DYNC2H1: variants seen among roughly 807,000 people sequenced by gnomAD.
DYNC2H1 encodes cytoplasmic dynein 2 heavy chain 1.
Under a neutral mutation model 570.0 loss-of-function variants are expected in DYNC2H1, and 410 were observed. The observed-to-expected ratio is 0.72, with a 90% CI of 0.66 to 0.78. The LOEUF is 0.78. Ranked by LOEUF, DYNC2H1 falls within the 30% of genes least tolerant of loss-of-function variation. DYNC2H1 has a pLI of 0.00. For missense variants in DYNC2H1, 4,865 were observed against 5,046.4 expected (o/e 0.96, Z 1.09); for synonymous variants, 1,688 against 1,677.6 (o/e 1.01, Z -0.15).
intron 84 of DYNC2H1, among the ~76,000 whole-genome samples, chr11:103,434,347 A>G (rs1216705628): frequency 1.3e-5 from 2 of 151,916 alleles, no homozygotes; most frequent in Non-Finnish European, 1.5e-5. Context: ...CTTCTTTTGC[A>G]TCAGCTGTGG....
At chr11:103,196,659 G>C (rs1211498526) in intron 47 of DYNC2H1, among the ~76,000 whole-genome samples, 1 of 152,128 alleles carries the variant, frequency 6.6e-6, no homozygotes, top group Non-Finnish European at 1.5e-5. Context: ...TTGGACCCCA[G>C]GGAGTATCAG....
intron 87 of DYNC2H1, among the ~76,000 whole-genome samples, chr11:103,456,845 A>C (rs550005250): frequency 6.6e-6 from 1 of 152,338 alleles, no homozygotes; most frequent in African/African-American, 2.4e-5. Context: ...GTGCGCAAAC[A>C]TTGTTTCATG....
chr11:103,244,010 T>C lies in DYNC2H1; in HGVS notation c.9918+219T>C, dbSNP rs1188247042. 3.9e-5 allele frequency among the ~76,000 whole-genome samples: 6 copies of C among 152,124 alleles called. No individual in the cohort carries two copies. The highest frequency in any genetic ancestry group is 8.8e-5 in the Non-Finnish European group (6 of 67,978). Reference sequence around the variant, plus strand: ...ATTGATCTAAGCCCTGGGAATTTAATAGTGAGTTCCTTCCCTTATAAAGAT... The same window carrying C: ...ATTGATCTAAGCCCTGGGAATTTAACAGTGAGTTCCTTCCCTTATAAAGAT... On this transcript the variant is annotated intron_variant, in intron 64 of 88. Coordinates refer to ENST00000375735, the MANE Select transcript of DYNC2H1 (RefSeq NM_001377.3). The surrounding 1 kb of genome is among the most constrained non-coding windows in gnomAD (Gnocchi z 4.3).
At chr11:103,134,936 A>T (rs897864583) in intron 15 of DYNC2H1, among the ~76,000 whole-genome samples, 3 of 152,152 alleles carry the variant, frequency 2.0e-5, no homozygotes, top group African/African-American at 7.2e-5. Context: ...TAGATGTCTC[A>T]CACATTTACA....
At chr11:103,312,429 C>T (rs1376385589) in intron 79 of DYNC2H1, among the ~76,000 whole-genome samples, 3 of 144,176 alleles carry the variant, frequency 2.1e-5, no homozygotes. Context: ...GTAGTTCCAG[C>T]TACTTGGGAG....
rs17394217 is a variant in DYNC2H1 at position 103,211,829 on chromosome 11, A to G, written c.8580A>G (p.Glu2860=). Residue 2860 remains glutamate (E), a synonymous_variant, in exon 54 of 89, where the codon GAA becomes GAG. Transcript: ENST00000375735. ...TAAAATCATTTTTATTAATCCATGA[A>G]TCTTGTAAAGCATATGGTGCTACAC... is the stretch of plus-strand genomic sequence containing the variant. ...DFLKSFLLIH[E]SCKAYGATPS... is the part of the protein sequence containing the mutation. 162,806 of 1,425,924 alleles carry G rather than the reference A, an allele frequency of 0.11. 10,052 individuals are homozygous for G. Among genetic ancestry groups the G allele is most frequent in the East Asian group, 0.12 (4,536 of 36,856 alleles). The allele number at this position is 1,425,924 out of a possible 1,614,324, so 88.3% of individuals were successfully genotyped here.
At chr11:103,217,597 T>C (rs947796667) in intron 55 of DYNC2H1, among the ~76,000 whole-genome samples, 3 of 152,208 alleles carry the variant, frequency 2.0e-5, no homozygotes, top group East Asian at 3.8e-4. Context: ...GTGTGGATGA[T>C]GGATCTTAGT....
Position 103,241,378 on chromosome 11 carries a change from G to A in DYNC2H1, c.9820-2315G>A. 1.6e-6 allele frequency: 1 copy of A among 637,350 alleles called. No homozygotes were observed. Among genetic ancestry groups the A allele is most frequent in the Non-Finnish European group, 2.7e-6 (1 of 367,832 alleles). 39.5% of individuals were successfully genotyped at this position (637,350 alleles called of 1,614,324 possible). A position where few individuals can be genotyped will look rare whatever the true frequency, so the allele number is the denominator to read the frequency against. On this transcript the variant is annotated intron_variant, in intron 63 of 88. Transcript: ENST00000375735. This position sits in a 1 kb window ranked among gnomAD's most constrained non-coding sequence, Gnocchi z 5.1. ...TAATCATGGAATACAGAGATAAAATGTACCATAGAAATCTTATCTAAATCT... is the reference window on the plus strand; with the variant it reads ...TAATCATGGAATACAGAGATAAAATATACCATAGAAATCTTATCTAAATCT...
rs1463291502 is a variant in DYNC2H1 at position 103,461,829 on chromosome 11, G to T, written c.12648+5473G>T. ...GAGTCTGCATATTTCAAGGTTTTAA[G>T]ATTTAGAAACATTCCACCTTTTTCT... is the stretch of plus-strand genomic sequence containing the variant. On this transcript the variant is annotated intron_variant, in intron 87 of 88. Coordinates refer to ENST00000375735, the MANE Select transcript of DYNC2H1 (RefSeq NM_001377.3). The surrounding 1 kb of genome is among the most constrained non-coding windows in gnomAD (Gnocchi z 4.8). Among the ~76,000 whole-genome samples, 1 of 151,848 alleles carries T rather than the reference G, an allele frequency of 6.6e-6. No individual in the cohort carries two copies. Among genetic ancestry groups the T allele is most frequent in the East Asian group, 1.9e-4 (1 of 5,198 alleles).
Position 103,173,304 on chromosome 11 carries a change from A to G in DYNC2H1, c.5557A>G (p.Arg1853Gly). 6.5e-7 allele frequency: 1 copy of G among 1,549,304 alleles called. No individual in the cohort carries two copies. The highest frequency in any genetic ancestry group is 1.3e-5 in the South Asian group (1 of 77,956). The change falls in exon 35 of 89, where the codon AGG (arginine) becomes GGG (glycine). Residue 1853 changes from arginine to glycine, a missense_variant and splice_region_variant. Physicochemically the swap from Arg to Gly is moderately radical, Grantham distance 125. Transcript: ENST00000375735. ...RKLVAIFNLS[R>G]ELLTPQQHYD... ...ATTGGTAGCTATTTTCAATCTATCT[A>G]GGTGAGTTTTCTTGTTCTAAATATT...
Position 103,356,155 on chromosome 11 carries a change from C to G in DYNC2H1, c.12040-2088C>G, listed in dbSNP as rs1307063149. 2.6e-5 allele frequency among the ~76,000 whole-genome samples: 4 copies of G among 151,760 alleles called. No homozygotes were observed. The South Asian group carries it at 6.2e-4, about 24-fold the overall frequency. Reference sequence around the variant, plus strand: ...TTTGATACCATTTTAAAGTAGTATTCTGAAAAAATTATATTTAACTGGCTT... The same window carrying G: ...TTTGATACCATTTTAAAGTAGTATTGTGAAAAAATTATATTTAACTGGCTT... On this transcript the variant is annotated intron_variant, in intron 82 of 88. Coordinates refer to ENST00000375735, the MANE Select transcript of DYNC2H1 (RefSeq NM_001377.3).
At chr11:103,116,498 TG>T in intron 4 of DYNC2H1, 71 bp from the exon 5 acceptor site, 1 of 1,249,036 alleles carries the variant, frequency 8.0e-7, no homozygotes, top group Non-Finnish European at 1.1e-6. Flanking sequence ...TGAAAAGGCC[TG>T]GGAACATTTT....
chr11:103,408,311 G>A (rs539893731), intron 84 of DYNC2H1: 25 of 152,100 alleles, frequency 1.6e-4, no homozygotes, highest in African/African-American at 5.3e-4. Flanking sequence ...TTTGTTCAAT[G>A]AATGTAAGGA....
chr11:103,255,663 A>ACAGTC, intron 67 of DYNC2H1, 129 bp downstream of exon 67: 1 of 937,794 alleles, frequency 1.1e-6, no homozygotes, highest in Non-Finnish European at 1.5e-6. Context: ...TGTATATCTT[A>ACAGTC]CAGTCAAAAT....
At chr11:103,156,884 A>T (rs1591332089) in intron 26 of DYNC2H1, 114 bp downstream of exon 26, 4 of 1,314,640 alleles carry the variant, frequency 3.0e-6, no homozygotes, top group Non-Finnish European at 4.1e-6. Flanking sequence ...TCCTCTGTGT[A>T]TTCAAATTCT....
chr11:103,153,896 T>C (rs1302308572), intron 22 of DYNC2H1, among the ~76,000 whole-genome samples: 2 of 151,628 alleles, frequency 1.3e-5, no homozygotes, highest in African/African-American at 4.8e-5. Context: ...AAGAAAAAAA[T>C]GAGTTGTTGG....
rs1555057838 is a variant in DYNC2H1 at position 103,179,047 on chromosome 11, G to C, written c.6161G>C (p.Cys2054Ser). Residue 2054 changes from cysteine to serine, a missense_variant, in exon 39 of 89, where the codon TGT becomes TCT. By Grantham distance (112) the Cys-to-Ser change is moderately radical. Transcript: ENST00000375735. The stretch of plus-strand genomic sequence containing the variant: ...ATAGATGTCAGCTCATGGATAATCT[G>C]TGATGGTGATATTGACCCTGAATGG... ...EPQDVSSWII[C>S]DGDIDPEWIE... is the part of the protein sequence containing the mutation. The C allele has an allele frequency of 1.9e-6, 3 of 1,611,158 alleles. No individual in the cohort carries two copies. The highest frequency in any genetic ancestry group is 2.5e-6 in the Non-Finnish European group (3 of 1,178,064).
intron 17 of DYNC2H1, among the ~76,000 whole-genome samples, chr11:103,140,845 T>C (rs1288502914): frequency 6.6e-6 from 1 of 152,214 alleles, no homozygotes; most frequent in African/African-American, 2.4e-5. Context: ...GGTACACCCA[T>C]CAGACGTAGA....
intron 21 of DYNC2H1, among the ~76,000 whole-genome samples, chr11:103,152,550 T>G (rs910360774): frequency 1.3e-5 from 2 of 152,176 alleles, no homozygotes; most frequent in Non-Finnish European, 2.9e-5. Flanking sequence ...GTTGCTTACC[T>G]ACTATGTATG....
Sources: gnomAD v4.1 joint callset for allele counts (sites outside exome capture counted in the v4.1 genomes callset) on GRCh38, gnomAD v4.1.1 for gene constraint, Gnocchi (gnomAD v3.1) non-coding constraint, MANE v1.5 for transcripts, NCBI Gene and HGNC (gene_info 2026-07-23, HGNC 2026-07-21) for gene names.